CALB2: variants seen among roughly 807,000 people sequenced by gnomAD.
CALB2 encodes the protein calretinin.
CALB2 carries 34 observed loss-of-function variants against 45.9 expected under a neutral mutation model. That is an observed-to-expected ratio of 0.74 (90% CI 0.56 to 0.99). The LOEUF is 0.99. CALB2 is among the 50% of genes least tolerant of loss of function. The pLI is 0.00. For missense variants in CALB2, 344 were observed against 339.3 expected (o/e 1.01, Z -0.11); for synonymous variants, 142 against 129.6 (o/e 1.10, Z -0.65).
intron 8 of CALB2, 114 bp from the exon 9 acceptor site, chr16:71,384,669 A>G (rs111526151): frequency 0.072 from 31,271 of 435,344 alleles, 5,891 homozygotes; most frequent in African/African-American, 0.38. Context: ...CCACACACAC[A>G]ACACACACAT....
At chr16:71,380,744 T>A (rs964808975) in intron 4 of CALB2, among the ~76,000 whole-genome samples, 3 of 152,134 alleles carry the variant, frequency 2.0e-5, no homozygotes, top group African/African-American at 7.2e-5. Flanking sequence ...GTCTGTTCCA[T>A]TTGTTCCATT....
chr16:71,383,279 G>T (rs946976543), intron 5 of CALB2, 88 bp from the exon 6 acceptor site: 71 of 1,165,678 alleles, frequency 6.1e-5, no homozygotes, highest in Non-Finnish European at 8.4e-5. Context: ...CACACACATT[G>T]AGAGACTGTC....
At chr16:71,372,269 G>A in intron 2 of CALB2, 40 bp downstream of exon 2, 1 of 1,466,742 alleles carries the variant, frequency 6.8e-7, no homozygotes. Flanking sequence ...GGATTTTCCT[G>A]ACCTATGCCT....
At chr16:71,382,077 A>AGG (rs2042501008) in intron 4 of CALB2, among the ~76,000 whole-genome samples, 1 of 103,840 alleles carries the variant, frequency 9.6e-6, no homozygotes, top group Non-Finnish European at 2.2e-5. Flanking sequence ...GGGGAGGGGG[A>AGG]GGAAGAAAGA....
chr16:71,388,373 A>T (rs546348994), intron 10 of CALB2, among the ~76,000 whole-genome samples: 3 of 152,064 alleles, frequency 2.0e-5, no homozygotes, highest in Admixed American at 2.0e-4. Context: ...AGAAAAAGAA[A>T]AAAGAAAAAA....
At chr16:71,383,821 T>C in intron 6 of CALB2, 149 bp from the exon 7 acceptor site, 3 of 860,664 alleles carry the variant, frequency 3.5e-6, no homozygotes, top group Non-Finnish European at 5.8e-6. Context: ...GTGACTGATT[T>C]AGCCCATGTT....
intron 5 of CALB2, among the ~76,000 whole-genome samples, 164 bp downstream of exon 5, chr16:71,382,939 C>T (rs2042517541): frequency 6.6e-6 from 1 of 152,026 alleles, no homozygotes; most frequent in Non-Finnish European, 1.5e-5. Flanking sequence ...CAGGGGAAAT[C>T]AGTAACATAG....
intron 3 of CALB2, 138 bp from the exon 4 acceptor site, chr16:71,377,529 T>G: frequency 1.6e-6 from 1 of 639,754 alleles, no homozygotes; most frequent in Non-Finnish European, 2.8e-6. Context: ...CAGCACCCGT[T>G]CTCAAGGAAG....
intron 10 of CALB2, 90 bp downstream of exon 10, chr16:71,385,738 T>C: frequency 1.0e-6 from 1 of 983,718 alleles, no homozygotes; most frequent in East Asian, 2.5e-5. Context: ...CTGGTCCTGC[T>C]CTCTACTCCC....
At chr16:71,382,305 C>T (rs1225411748) in intron 4 of CALB2, among the ~76,000 whole-genome samples, 2 of 152,232 alleles carry the variant, frequency 1.3e-5, no homozygotes, top group African/African-American at 4.8e-5. Context: ...ACTGCCCCTC[C>T]TGTGGCTTTC....
At chr16:71,374,070 A>C (rs559970777) in intron 2 of CALB2, among the ~76,000 whole-genome samples, 1 of 152,304 alleles carries the variant, frequency 6.6e-6, no homozygotes, top group East Asian at 1.9e-4. Context: ...GCAAATAATT[A>C]ATCAGCACTA....
rs773829020 is a variant in CALB2 at position 71,384,831 on chromosome 16, G to A, written c.622G>A (p.Asp208Asn). 5 of 1,612,250 alleles carry A rather than the reference G, an allele frequency of 3.1e-6. No homozygotes were observed. Among genetic ancestry groups the A allele is most frequent in the South Asian group, 1.1e-5 (1 of 91,014 alleles). The change falls in exon 9 of 11, where the codon GAC becomes AAC. Residue 208 changes from aspartate (D) to asparagine (N), a missense_variant. Transcript: ENST00000302628. ...GTTTAACGCGATCTTCACATTTTAC[G>A]ACAAGGTAAGAGAGGGAGTTGGCAT... Reference protein sequence around the residue: ...EEFNAIFTFYDKDRSGYIDEH... With the variant: ...EEFNAIFTFYNKDRSGYIDEH...
At chr16:71,374,983 C>G (rs1567538814) in intron 3 of CALB2, 149 bp downstream of exon 3, 1 of 577,642 alleles carries the variant, frequency 1.7e-6, no homozygotes, top group Admixed American at 3.1e-5. Flanking sequence ...CCAAAGAGAA[C>G]AGCAGGGACT....
chr16:71,384,614 A>C (rs1465796130), intron 8 of CALB2, among the ~76,000 whole-genome samples, 169 bp from the exon 9 acceptor site: 2 of 111,138 alleles, frequency 1.8e-5, no homozygotes, highest in Non-Finnish European at 3.9e-5. Context: ...ACACGCACAC[A>C]CCCCACATAC....
chr16:71,365,943 C>G (rs2042280304), intron 1 of CALB2, among the ~76,000 whole-genome samples: 1 of 151,562 alleles, frequency 6.6e-6, no homozygotes, highest in Non-Finnish European at 1.5e-5. Flanking sequence ...TCAGATATTC[C>G]CAGGTGATCC....
intron 1 of CALB2, among the ~76,000 whole-genome samples, chr16:71,370,039 G>A (rs2042329880): frequency 1.3e-5 from 2 of 152,130 alleles, no homozygotes; most frequent in African/African-American, 4.8e-5. Flanking sequence ...CATCCTAGAA[G>A]GAAGATAACC....
At chr16:71,384,419 T>G (rs1338194643) in intron 8 of CALB2, 41 bp downstream of exon 8, 1 of 1,556,778 alleles carries the variant, frequency 6.4e-7, no homozygotes, top group East Asian at 2.3e-5. Flanking sequence ...CCCTCATCCC[T>G]CTGAGCCTGG....
intron 1 of CALB2, among the ~76,000 whole-genome samples, chr16:71,369,038 G>A (rs8063972): frequency 0.032 from 4,914 of 152,146 alleles, 260 homozygotes; most frequent in African/African-American, 0.11. Flanking sequence ...TCAGTGGGGC[G>A]GGGCTCCGTG....
At chr16:71,376,654 TAC>T (rs2042417193) in intron 3 of CALB2, among the ~76,000 whole-genome samples, 1 of 151,672 alleles carries the variant, frequency 6.6e-6, no homozygotes, top group Non-Finnish European at 1.5e-5. Flanking sequence ...TGTGCCCACA[TAC>T]AGCCATATAC....
Sources: allele counts gnomAD v4.1 joint callset (sites outside exome capture counted in the v4.1 genomes callset), GRCh38; gene constraint gnomAD v4.1.1; transcripts MANE v1.5; gene names NCBI Gene and HGNC (gene_info 2026-07-23, HGNC 2026-07-21).